Variants in C3 observed in about 807,000 individuals in gnomAD.
C3 encodes complement C3, also known as C3 and PZP-like alpha-2-macroglobulin domain-containing protein 1.
C3 carries 97 observed loss-of-function variants against 207.9 expected under a neutral mutation model. That is an observed-to-expected ratio of 0.47 (90% CI 0.40 to 0.55). C3 has a LOEUF of 0.55. Among genes scored for constraint, C3 ranks in the 20% least tolerant of loss-of-function variants. The pLI is 0.00. For missense variants in C3, 1,684 were observed against 2,171.7 expected, an observed-to-expected ratio of 0.78 and a Z score of 4.46; for synonymous variants, 848 against 857.6, an observed-to-expected ratio of 0.99 and a Z score of 0.20.
chr19:6,707,196 G>A lies in C3; in HGVS notation c.2125C>T (p.Arg709Cys), dbSNP rs752621037. The A allele has an allele frequency of 2.5e-6, 4 of 1,613,750 alleles. No homozygotes were observed. Among genetic ancestry groups the A allele is most frequent in the South Asian group, 1.1e-5 (1 of 91,056 alleles). ...RENPMRFSCQRRTRFISLGEA... is the reference protein window; with the variant it reads ...RENPMRFSCQCRTRFISLGEA... ...CCCAGGGAGATGAAACGGGTCCGGCGCTGGCACGAGAACCTCATGGGGTTC... is the reference window on the plus strand; with the variant it reads ...CCCAGGGAGATGAAACGGGTCCGGCACTGGCACGAGAACCTCATGGGGTTC... The change falls in exon 17 of 41, where the codon CGC becomes TGC. Residue 709 changes from arginine (R) to cysteine (C), a missense_variant. Coordinates refer to ENST00000245907, the MANE Select transcript of C3 (RefSeq NM_000064.4).
intron 4 of C3, 160 bp downstream of exon 4, chr19:6,717,934 G>C: frequency 2.6e-6 from 2 of 758,378 alleles, no homozygotes; most frequent in Non-Finnish European, 4.7e-6. Flanking sequence ...GTTGTGTGCT[G>C]TATGTGTGTG....
Position 6,677,955 on chromosome 19 carries a change from TC to T in C3, c.4918del (p.Glu1640LysfsTer67). Reference protein sequence around the residue: ...HWPEEDECQDEENQKQCQDLG... With the variant: ...HWPEEDECQDXENQKQCQDLG... The stretch of plus-strand genomic sequence containing the variant: ...GTCCTGGCATTGTTTCTGGTTCTCT[TC>T]GTCTTGGCATTCGTCCTCCTCGGGC... On this transcript the variant is annotated frameshift_variant, in exon 41 of 41. Transcript: ENST00000245907. LOFTEE classifies it high-confidence loss of function. The T allele has an allele frequency of 6.2e-7, 1 of 1,614,042 alleles. No individual in the cohort carries two copies. Among genetic ancestry groups the T allele is most frequent in the Non-Finnish European group, 8.5e-7 (1 of 1,179,990 alleles).
intron 27 of C3, among the ~76,000 whole-genome samples, chr19:6,689,376 T>TCTCTCTCTCTCTCTCTC: frequency 7.8e-6 from 1 of 127,668 alleles, no homozygotes; most frequent in African/African-American, 3.0e-5. Context: ...TCTCTCTCTC[T>TCTCTCTCTCTCTCTCTC]CTCTCTCTCT....
Position 6,678,283 on chromosome 19 carries a change from C to G in C3, c.4719G>C (p.Ser1573=). The change falls in exon 40 of 41, where the codon TCG becomes TCC. Residue 1573 remains serine, a synonymous_variant. Coordinates refer to ENST00000245907, the MANE Select transcript of C3 (RefSeq NM_000064.4). ...MAIEQTIKSG[S]DEVQVGQQRT... Reference sequence around the variant, plus strand: ...GCTGCTGTCCAACCTGCACCTCATCCGAGCCTGGAGTGGAGGGGAGAGGGA... The same window carrying G: ...GCTGCTGTCCAACCTGCACCTCATCGGAGCCTGGAGTGGAGGGGAGAGGGA... 1 of 1,614,072 alleles carries G rather than the reference C, an allele frequency of 6.2e-7. No homozygotes were observed. The highest frequency in any genetic ancestry group is 8.5e-7 in the Non-Finnish European group (1 of 1,180,022).
At position 6,700,544 on chromosome 19, in the gene C3, GTAATATA is replaced by G. The variant is rs1450082130; in HGVS notation, c.2440+1576_2440+1582del. Among the ~76,000 whole-genome samples the G allele has an allele frequency of 3.0e-4, 10 of 33,196 alleles. 2 individuals carry two copies. Among genetic ancestry groups the G allele is most frequent in the Non-Finnish European group, 3.6e-4 (8 of 22,114 alleles). 21.8% of individuals were successfully genotyped at this position (33,196 alleles called of 152,430 possible). On this transcript the variant is annotated intron_variant, in intron 19 of 40. Transcript: ENST00000245907. ...ATATGTAATATGATATATTATATAT[GTAATATA>G]TAATATATGTAATATATGATATATT... is the stretch of plus-strand genomic sequence containing the variant.
chr19:6,718,438 GGGTCT>G, intron 2 of C3, 26 bp from the exon 3 acceptor site: 1 of 1,614,100 alleles, frequency 6.2e-7, no homozygotes, highest in Non-Finnish European at 8.5e-7. Context: ...GCATTGTCAG[GGGTCT>G]GTTCCAAGGC....
intron 19 of C3, among the ~76,000 whole-genome samples, chr19:6,699,921 T>A (rs955718762): frequency 3.3e-5 from 5 of 150,130 alleles, no homozygotes; most frequent in Middle Eastern, 3.3e-3. Context: ...TATGGTATAA[T>A]TATAGATATG....
In C3 at chr19:6,689,704, G is replaced by C. The variant is rs962305060; in HGVS notation, c.3489+925C>G. Among the ~76,000 whole-genome samples the C allele has an allele frequency of 6.4e-4, 98 of 151,964 alleles. 4 individuals are homozygous for C. The highest frequency in any genetic ancestry group is 4.4e-5 in the Non-Finnish European group (3 of 67,984). On this transcript the variant is annotated intron_variant, in intron 27 of 40. Coordinates refer to ENST00000245907, the MANE Select transcript of C3 (RefSeq NM_000064.4). ...CTACTAAAAATACAACAATTAGGCT[G>C]GGTGCAGTGGCTCATGCCTGTAATC...
At chr19:6,702,656 G>C in intron 17 of C3, 77 bp from the exon 18 acceptor site, 4 of 988,196 alleles carry the variant, frequency 4.0e-6, no homozygotes, top group Non-Finnish European at 6.5e-6. Flanking sequence ...CCAGCACTTA[G>C]GGAGGCCAAG....
intron 24 of C3, among the ~76,000 whole-genome samples, chr19:6,694,167 G>A (rs1335084836): frequency 8.3e-5 from 8 of 96,766 alleles, no homozygotes; most frequent in East Asian, 2.8e-4. Context: ...CAGAGGGCGT[G>A]GCCTTGAGAA....
chr19:6,713,985 C>T lies in C3; in HGVS notation c.773+7G>A, dbSNP rs1224682708. The T allele has an allele frequency of 1.9e-6, 3 of 1,596,472 alleles. No homozygotes were observed. In the African/African-American group the frequency reaches 4.1e-5, roughly 22 times the overall value. ...GCTCTTACCTGGCCCCACCCCCAGT[C>T]CCTCACCTGGCGGTGATGGTGACCT... On this transcript the variant is annotated splice_region_variant and intron_variant, in intron 7 of 40. Transcript: ENST00000245907.
At position 6,689,374 on chromosome 19, in the gene C3, T is replaced by C. The variant is rs905347617; in HGVS notation, c.3489+1255A>G. 3.2e-4 allele frequency among the ~76,000 whole-genome samples: 37 copies of C among 116,384 alleles called. No homozygotes were observed. The East Asian group carries it at 5.6e-3, about 18-fold the overall frequency. The allele number at this position is 116,384 out of a possible 152,430, so 76.4% of individuals were successfully genotyped here. On this transcript the variant is annotated intron_variant, in intron 27 of 40. Transcript: ENST00000245907. Reference sequence around the variant, plus strand: ...CTCCCTCCCTCCCTCTCTCTCTCTCTCTCTCTCTCTCTCTGCCTTGGTCCC... The same window carrying C: ...CTCCCTCCCTCCCTCTCTCTCTCTCCCTCTCTCTCTCTCTGCCTTGGTCCC...
Position 6,714,339 on chromosome 19 carries a change from G to T in C3, c.599+13C>A. On this transcript the variant is annotated intron_variant, in intron 5 of 40. Coordinates refer to ENST00000245907, the MANE Select transcript of C3 (RefSeq NM_000064.4). The stretch of plus-strand genomic sequence containing the variant: ...GGGGAGCCCTGAGCCCCCTCCTCAA[G>T]AACCTGACATACTTGACGAGTTCCG... 1 of 1,613,044 alleles carries T rather than the reference G, an allele frequency of 6.2e-7. No individual in the cohort carries two copies. The highest frequency in any genetic ancestry group is 8.5e-7 in the Non-Finnish European group (1 of 1,179,288).
Position 6,707,835 on chromosome 19 carries a change from G to T in C3, c.1940C>A (p.Thr647Lys). ...GVFSDAGLTF[T>K]SSSGQQTAQR... is the part of the protein sequence containing the mutation. ...GGCGGTCTGCTGGCCACTGCTGCTC[G>T]TGAAGGTCAGCCCTGCGTCGGAGAA... is the stretch of plus-strand genomic sequence containing the variant. Residue 647 changes from threonine (T) to lysine (K), a missense_variant, in exon 15 of 41, where the codon ACG becomes AAG. By Grantham distance (78) the Thr-to-Lys change is moderately conservative (BLOSUM62 -1). This residue lies in a region of C3 where 1,280 missense variants were observed against 1,739.1 expected (regional missense o/e 0.74). Transcript: ENST00000245907. 1 of 1,613,828 alleles carries T rather than the reference G, an allele frequency of 6.2e-7. No individual in the cohort carries two copies. Among genetic ancestry groups the T allele is most frequent in the Non-Finnish European group, 8.5e-7 (1 of 1,180,004 alleles).
At chr19:6,709,078 G>A (rs11569428) in intron 14 of C3, among the ~76,000 whole-genome samples, 1 of 151,824 alleles carries the variant, frequency 6.6e-6, no homozygotes, top group African/African-American at 2.4e-5. Flanking sequence ...CTCCATCTTC[G>A]TCCCTACTCC....
chr19:6,703,832 C>A (rs11569445), intron 17 of C3, among the ~76,000 whole-genome samples: 3,886 of 151,780 alleles, frequency 0.026, 161 homozygotes, highest in African/African-American at 0.089. Context: ...CCTGTAATCC[C>A]AGCTACTCGG....
In C3 at chr19:6,679,503, G is replaced by A; in HGVS notation, c.4457-7C>T. The A allele has an allele frequency of 6.3e-7, 1 of 1,595,060 alleles. No homozygotes were observed. The highest frequency in any genetic ancestry group is 8.6e-7 in the Non-Finnish European group (1 of 1,162,666). ...AACCGGGTACAGCTTTCCTCTGCGG[G>A]CAGATGTGATGTGAAGATGAGAGGA... is the stretch of plus-strand genomic sequence containing the variant. On this transcript the variant is annotated splice_region_variant and splice_polypyrimidine_tract_variant and intron_variant, in intron 36 of 40. Coordinates refer to ENST00000245907, the MANE Select transcript of C3 (RefSeq NM_000064.4).
chr19:6,688,182 AG>A (rs1918060979), intron 27 of C3, among the ~76,000 whole-genome samples: 2 of 147,120 alleles, frequency 1.4e-5, no homozygotes, highest in Admixed American at 6.8e-5. Flanking sequence ...CCCAGGCTGG[AG>A]TGCATGGCGC....
Position 6,694,590 on chromosome 19 carries a change from G to T in C3, c.2995C>A (p.Arg999=), listed in dbSNP as rs370052728. 18 of 1,613,682 alleles carry T rather than the reference G, an allele frequency of 1.1e-5. No homozygotes were observed. Among genetic ancestry groups the T allele is most frequent in the Non-Finnish European group, 1.5e-5 (18 of 1,179,956 alleles). The change falls in exon 24 of 41, where the codon CGG becomes AGG. Residue 999 remains arginine (R), a synonymous_variant. Transcript: ENST00000245907. ...GGGGTCACAATGAGGTGCTTCAGCCGTTCCGCGTCGACGGCATCCTCTGTC... is the reference window on the plus strand; with the variant it reads ...GGGGTCACAATGAGGTGCTTCAGCCTTTCCGCGTCGACGGCATCCTCTGTC... ...QMTEDAVDAE[R]LKHLIVTPSG...
Sources: allele counts gnomAD v4.1 joint callset (sites outside exome capture counted in the v4.1 genomes callset), GRCh38; gene constraint gnomAD v4.1.1; regional missense constraint gnomAD v4.1.1; transcripts MANE v1.5; gene names NCBI Gene and HGNC (gene_info 2026-07-23, HGNC 2026-07-21).